The following CDH11 variants were observed in gnomAD, a reference collection of about 807,000 sequenced individuals.
CDH11 encodes the protein cadherin 11.
A neutral mutation model predicts 67.8 loss-of-function variants in CDH11; 11 were observed. The observed-to-expected ratio is 0.16, with a 90% CI of 0.10 to 0.27. The LOEUF (loss-of-function observed/expected upper bound fraction) is 0.27. Among genes scored for constraint, CDH11 ranks in the 10% least tolerant of loss-of-function variants. CDH11 has a pLI of 1.00. For missense variants in CDH11, 847 were observed against 1,031.2 expected (o/e 0.82, Z 2.45); for synonymous variants, 419 against 400.0 (o/e 1.05, Z -0.57).
intron 3 of CDH11, 134 bp downstream of exon 3, chr16:65,004,508 G>A: frequency 1.4e-6 from 1 of 737,648 alleles, no homozygotes; most frequent in Non-Finnish European, 2.2e-6. Context: ...CAATATTTGG[G>A]TGGTTTTACT....
At chr16:64,960,784 G>C (rs549297230) in intron 11 of CDH11, among the ~76,000 whole-genome samples, 3 of 152,186 alleles carry the variant, frequency 2.0e-5, no homozygotes, top group Admixed American at 2.0e-4. Context: ...CTAAGCTATG[G>C]AGTTTCAGTT....
intron 1 of CDH11, among the ~76,000 whole-genome samples, chr16:65,066,934 A>T (rs1043565689): frequency 1.8e-4 from 27 of 152,332 alleles, no homozygotes; most frequent in Admixed American, 9.1e-4. Flanking sequence ...TAAGAGCCAA[A>T]TGAAAAGTCA....
rs878906742 is a variant in CDH11 at position 64,950,924 on chromosome 16, G to C, written c.1737C>G (p.Ile579Met). 5 of 1,614,110 alleles carry C rather than the reference G, an allele frequency of 3.1e-6. No homozygotes were observed. The highest frequency in any genetic ancestry group is 4.2e-6 in the Non-Finnish European group (5 of 1,180,044). ...GGGTGTTGGTGCTACTCATGGGCGG[G>C]ATGCCGCCATCGCTGATCACTATGG... is the stretch of plus-strand genomic sequence containing the variant. The part of the protein sequence containing the change: ...LLPIVISDGG[I>M]PPMSSTNTLT... Residue 579 changes from isoleucine (I) to methionine (M), a missense_variant, in exon 12 of 13, where the codon ATC becomes ATG. Transcript: ENST00000268603.
chr16:65,116,930 T>C (rs900256775), intron 1 of CDH11, among the ~76,000 whole-genome samples: 1 of 152,176 alleles, frequency 6.6e-6, no homozygotes, highest in Non-Finnish European at 1.5e-5. Context: ...ACCTCGACCA[T>C]ACAGACTGTG....
intron 8 of CDH11, among the ~76,000 whole-genome samples, chr16:64,973,841 C>T (rs1400548789): frequency 6.6e-6 from 1 of 152,022 alleles, no homozygotes; most frequent in Non-Finnish European, 1.5e-5. Flanking sequence ...ATGTTCACTA[C>T]ATTTTAGTAA....
At chr16:65,040,153 C>T (rs990686132) in intron 2 of CDH11, among the ~76,000 whole-genome samples, 4 of 152,314 alleles carry the variant, frequency 2.6e-5, no homozygotes, top group Non-Finnish European at 5.9e-5. Context: ...GGGGCAATTT[C>T]TCAGGGATCT....
chr16:64,945,867 T>C lies in CDH11; in HGVS notation c.*1736A>G, dbSNP rs908936880. 76 of 1,055,838 alleles carry C rather than the reference T, an allele frequency of 7.2e-5. No individual in the cohort carries two copies. Among genetic ancestry groups the C allele is most frequent in the Non-Finnish European group, 8.0e-5 (70 of 873,374 alleles). 65.4% of individuals were successfully genotyped at this position (1,055,838 alleles called of 1,614,324 possible). The stretch of plus-strand genomic sequence containing the variant: ...TCAGAAAAAAACTGTAAAAATTGTC[T>C]GCAATCCAAGAAAAAGCACGTGCCC... On this transcript the variant is annotated 3_prime_UTR_variant, in exon 13 of 13. Coordinates refer to ENST00000268603, the MANE Select transcript of CDH11 (RefSeq NM_001797.4).
chr16:65,076,692 C>G (rs143214667), intron 1 of CDH11, among the ~76,000 whole-genome samples: 1 of 148,482 alleles, frequency 6.7e-6, no homozygotes, highest in Non-Finnish European at 1.5e-5. Flanking sequence ...CCCCACCCCC[C>G]GACAAGCCCC....
rs765000995 is a variant in CDH11, at chr16:64,982,093, C to G, written c.1208G>C (p.Gly403Ala). Reference sequence around the variant, plus strand: ...ATCAGGGTCTTTGGCATGCACTCTCCCAACCACGGTGCCAGCAGCTGCATT... The same window carrying G: ...ATCAGGGTCTTTGGCATGCACTCTCGCAACCACGGTGCCAGCAGCTGCATT... ...QENAAAGTVV[G>A]RVHAKDPDAA... is the part of the protein sequence containing the mutation. Residue 403 changes from glycine (G) to alanine (A), a missense_variant, in exon 8 of 13, where the codon GGG becomes GCG. This residue lies in a region of CDH11 where 612 missense variants were observed against 678.7 expected (regional missense o/e 0.90). Transcript: ENST00000268603. 1 of 1,613,870 alleles carries G rather than the reference C, an allele frequency of 6.2e-7. No individual in the cohort carries two copies. Among genetic ancestry groups the G allele is most frequent in the African/African-American group, 1.3e-5 (1 of 74,878 alleles).
chr16:65,104,502 G>C (rs111259010), intron 1 of CDH11, among the ~76,000 whole-genome samples: 1 of 152,076 alleles, frequency 6.6e-6, no homozygotes, highest in African/African-American at 2.4e-5. Flanking sequence ...CTTTTTGTAG[G>C]TAGGTGCCAC....
chr16:65,013,238 C>A, intron 2 of CDH11, among the ~76,000 whole-genome samples: 1 of 152,124 alleles, frequency 6.6e-6, no homozygotes, highest in East Asian at 1.9e-4. Context: ...TGGGGCTAGA[C>A]AATGCAGAGG....
intron 11 of CDH11, among the ~76,000 whole-genome samples, chr16:64,964,999 A>G (rs1337791264): frequency 1.3e-5 from 2 of 152,014 alleles, no homozygotes; most frequent in African/African-American, 2.4e-5. Context: ...TGCACCCATT[A>G]ACTCATCATT....
intron 4 of CDH11, among the ~76,000 whole-genome samples, chr16:64,996,507 A>C (rs1597070541): frequency 6.6e-6 from 1 of 150,836 alleles, no homozygotes; most frequent in African/African-American, 2.5e-5. Flanking sequence ...AAAAAAAAAA[A>C]GTATTACAAT....
intron 1 of CDH11, among the ~76,000 whole-genome samples, chr16:65,085,359 T>C (rs535460051): frequency 2.0e-5 from 3 of 152,346 alleles, no homozygotes; most frequent in Admixed American, 2.0e-4. Flanking sequence ...CCATTCCACC[T>C]TAGTCATCTC....
chr16:65,122,498 C>T (rs8058866), upstream of CDH11: 622 of 159,942 alleles, frequency 3.9e-3, 6 homozygotes, highest in African/African-American at 0.014. Context: ...GCTGGGCTCT[C>T]GCCTGGCGGG....
intron 1 of CDH11, among the ~76,000 whole-genome samples, chr16:65,120,399 A>T (rs1408053514): frequency 6.6e-6 from 1 of 152,222 alleles, no homozygotes; most frequent in Non-Finnish European, 1.5e-5. Flanking sequence ...TCCTCTAGCC[A>T]GATTAATTAT....
chr16:64,964,670 T>A (rs898425763), intron 11 of CDH11, among the ~76,000 whole-genome samples: 13 of 152,088 alleles, frequency 8.5e-5, no homozygotes, highest in African/African-American at 3.1e-4. Flanking sequence ...TGCCTCAGCC[T>A]CCCGAGTAGC....
At chr16:65,111,520 G>A (rs903716605) in intron 1 of CDH11, among the ~76,000 whole-genome samples, 1 of 152,142 alleles carries the variant, frequency 6.6e-6, no homozygotes, top group Non-Finnish European at 1.5e-5. Context: ...ATAAACTGTG[G>A]AGCGTAAGTC....
At chr16:64,948,446 T>C in intron 12 of CDH11, 1 of 684,916 alleles carries the variant, frequency 1.5e-6, no homozygotes. Flanking sequence ...AAGTGGCTAA[T>C]GCCAATTTCT....
Sources: gnomAD v4.1 joint callset for allele counts (sites outside exome capture counted in the v4.1 genomes callset) on GRCh38, gnomAD v4.1.1 for gene constraint, gnomAD v4.1.1 regional missense constraint, MANE v1.5 for transcripts, NCBI Gene and HGNC (gene_info 2026-07-23, HGNC 2026-07-21) for gene names.